Variants in PKP4 observed in about 807,000 individuals in gnomAD.
The protein encoded by PKP4 is plakophilin-4.
In PKP4, 90 loss-of-function variants were observed where a neutral mutation model predicts 145.1. The observed-to-expected ratio is 0.62, with a 90% CI of 0.52 to 0.74. The LOEUF is 0.74. PKP4 is among the 30% of genes least tolerant of loss of function. PKP4 has a pLI of 0.00. For synonymous variants in PKP4, 563 were observed against 577.2 expected (o/e 0.98, Z 0.35); for missense variants, 1,340 against 1,482.7 (o/e 0.90, Z 1.58).
Position 158,663,024 on chromosome 2 carries a change from A to C in PKP4, c.2339A>C (p.Asp780Ala), listed in dbSNP as rs1553476462. The C allele has an allele frequency of 1.6e-5, 26 of 1,613,966 alleles. No homozygotes were observed. The highest frequency in any genetic ancestry group is 2.1e-5 in the Non-Finnish European group (25 of 1,179,978). ...CTAGGAAAAGAGTCTCCCAGCAAAG[A>C]CTCTGAGCCAAGTTGCTGGGGGAAG... ...DLLGKESPSK[D>A]SEPSCWGKKK... Residue 780 changes from aspartate (D) to alanine (A), a missense_variant, in exon 14 of 22, where the codon GAC becomes GCC. Physicochemically the swap from Asp to Ala is moderately radical, Grantham distance 126. Coordinates refer to ENST00000389759, the MANE Select transcript of PKP4 (RefSeq NM_003628.6).
At position 158,631,844 on chromosome 2, in the gene PKP4, T is replaced by C; in HGVS notation, c.1245T>C (p.Tyr415=). The change falls in exon 8 of 22, where the codon TAT becomes TAC. Residue 415 remains tyrosine (Y), a synonymous_variant. Coordinates refer to ENST00000389759, the MANE Select transcript of PKP4 (RefSeq NM_003628.6). ...CCGACTTGCACATTACTCCTATATA[T>C]GAGGGGAGGACCTATTACAGCCCAG... is the stretch of plus-strand genomic sequence containing the variant. ...VSPDLHITPI[Y]EGRTYYSPVY... 6.2e-7 allele frequency: 1 copy of C among 1,614,122 alleles called. No individual in the cohort carries two copies. Among genetic ancestry groups the C allele is most frequent in the Non-Finnish European group, 8.5e-7 (1 of 1,179,982 alleles).
At chr2:158,476,735 A>G (rs1398776759) in intron 1 of PKP4, among the ~76,000 whole-genome samples, 3 of 152,046 alleles carry the variant, frequency 2.0e-5, no homozygotes, top group South Asian at 2.1e-4. Context: ...CTGATTGTAA[A>G]TGAAATCCAT....
intron 1 of PKP4, among the ~76,000 whole-genome samples, chr2:158,511,146 G>A (rs1048231339): frequency 6.6e-6 from 1 of 152,182 alleles, no homozygotes; most frequent in African/African-American, 2.4e-5. Flanking sequence ...CAGCACTTTG[G>A]GAGACCAAGG....
At chr2:158,621,496 A>C (rs1276517480) in intron 6 of PKP4, 75 bp downstream of exon 6, 2 of 1,320,616 alleles carry the variant, frequency 1.5e-6, no homozygotes, top group Non-Finnish European at 2.1e-6. Context: ...CTGTAATCCC[A>C]GCATTTTGGG....
intron 2 of PKP4, among the ~76,000 whole-genome samples, chr2:158,536,423 GA>G (rs1394879858): frequency 2.6e-5 from 4 of 152,128 alleles, no homozygotes; most frequent in African/African-American, 9.7e-5. Context: ...ATTTTGAGAG[GA>G]AAAGTCTGGG....
At position 158,671,719 on chromosome 2, in the gene PKP4, G is replaced by A. The variant is rs74353981; in HGVS notation, c.2924+1804G>A. Among the ~76,000 whole-genome samples, 658 of 152,334 alleles carry A rather than the reference G, an allele frequency of 4.3e-3. 18 individuals carry two copies. The East Asian group carries it at 0.085, about 20-fold the overall frequency. On this transcript the variant is annotated intron_variant, in intron 17 of 21. Transcript: ENST00000389759. ...GACAGCCCCACCCGAGGTAGCTTAC[G>A]TTCCATGGGTGAGGTAGACGCAGAC...
chr2:158,658,229 G>A lies in PKP4; in HGVS notation c.2008G>A (p.Gly670Arg). 1 of 1,598,836 alleles carries A rather than the reference G, an allele frequency of 6.3e-7. No homozygotes were observed. Among genetic ancestry groups the A allele is most frequent in the Non-Finnish European group, 8.6e-7 (1 of 1,166,706 alleles). ...AAACACTGTGATTGTTCCACATTCT[G>A]GATGGAATAACTCTTCTTTTGATGA... ...LTNTVIVPHS[G>R]WNNSSFDDDH... Residue 670 changes from glycine (G) to arginine (R), a missense_variant, in exon 12 of 22, where the codon GGA becomes AGA. Transcript: ENST00000389759.
chr2:158,492,556 C>T lies in PKP4; in HGVS notation c.-6+35338C>T, dbSNP rs74662508. 3.0e-3 allele frequency among the ~76,000 whole-genome samples: 450 copies of T among 152,274 alleles called. 4 individuals carry two copies. Among genetic ancestry groups the T allele is most frequent in the African/African-American group, 0.01 (422 of 41,548 alleles). ...TGGCTTCCGCCACCCTGCTTCCCCTCCTGCCACCCTGCCCGGGCTTTGCTC... is the reference window on the plus strand; with the variant it reads ...TGGCTTCCGCCACCCTGCTTCCCCTTCTGCCACCCTGCCCGGGCTTTGCTC... On this transcript the variant is annotated intron_variant, in intron 1 of 21. Coordinates refer to ENST00000389759, the MANE Select transcript of PKP4 (RefSeq NM_003628.6).
chr2:158,478,145 A>C lies in PKP4; in HGVS notation c.-6+20927A>C, dbSNP rs116995191. ...GCTTAATGTTAACCTCATGTTAGCT[A>C]TAAGATGTAAGGCTGTTGAATAGGA... On this transcript the variant is annotated intron_variant, in intron 1 of 21. Coordinates refer to ENST00000389759, the MANE Select transcript of PKP4 (RefSeq NM_003628.6). Among the ~76,000 whole-genome samples the C allele has an allele frequency of 9.4e-4, 143 of 152,260 alleles. 3 individuals are homozygous for C. The East Asian group carries it at 0.026, about 28-fold the overall frequency.
At chr2:158,480,743 C>A (rs1693227353) in intron 1 of PKP4, among the ~76,000 whole-genome samples, 1 of 152,100 alleles carries the variant, frequency 6.6e-6, no homozygotes, top group African/African-American at 2.4e-5. Context: ...AAATTCACTC[C>A]TATAAAGGAT....
intron 1 of PKP4, among the ~76,000 whole-genome samples, chr2:158,489,611 C>G (rs144653095): frequency 1.3e-5 from 2 of 152,194 alleles, no homozygotes; most frequent in Non-Finnish European, 2.9e-5. Flanking sequence ...TTTGCTGAGG[C>G]TCTTCCCACG....
intron 1 of PKP4, among the ~76,000 whole-genome samples, chr2:158,467,427 C>T (rs1227102357): frequency 2.0e-5 from 3 of 151,734 alleles, no homozygotes; most frequent in Non-Finnish European, 4.4e-5. Context: ...TGGCCTACAC[C>T]TGTAGTTACA....
At chr2:158,653,522 G>A (rs895660129) in intron 11 of PKP4, among the ~76,000 whole-genome samples, 2 of 152,140 alleles carry the variant, frequency 1.3e-5, no homozygotes, top group East Asian at 1.9e-4. Flanking sequence ...ATAATTATAT[G>A]TACTTGTTCC....
At chr2:158,648,671 C>T (rs2055053948) in intron 11 of PKP4, among the ~76,000 whole-genome samples, 1 of 152,140 alleles carries the variant, frequency 6.6e-6, no homozygotes, top group African/African-American at 2.4e-5. Flanking sequence ...AATTCCCAGC[C>T]CAAATCAGTA....
At chr2:158,510,721 G>C (rs2041426300) in intron 1 of PKP4, among the ~76,000 whole-genome samples, 4 of 152,286 alleles carry the variant, frequency 2.6e-5, no homozygotes, top group Admixed American at 2.6e-4. Context: ...GGTGGGGTGG[G>C]GTGAGTCCAC....
chr2:158,529,108 C>T (rs2043275191), intron 1 of PKP4, among the ~76,000 whole-genome samples: 1 of 152,180 alleles, frequency 6.6e-6, no homozygotes, highest in African/African-American at 2.4e-5. Flanking sequence ...GAGTGTGCTA[C>T]CTTCAGAGGC....
intron 3 of PKP4, among the ~76,000 whole-genome samples, chr2:158,592,179 T>A (rs1263186382): frequency 2.0e-5 from 3 of 152,040 alleles, no homozygotes; most frequent in African/African-American, 7.2e-5. Context: ...GTTAGGAACA[T>A]GTGGGTGATA....
chr2:158,663,469 C>T (rs78711128), intron 15 of PKP4, 24 bp downstream of exon 15: 44,197 of 1,586,538 alleles, frequency 0.028, 724 homozygotes, highest in Non-Finnish European at 0.033. Context: ...CACTTATCTA[C>T]ACTTCTTTCC....
intron 11 of PKP4, among the ~76,000 whole-genome samples, chr2:158,646,040 A>G (rs909596839): frequency 2.0e-5 from 3 of 152,192 alleles, no homozygotes; most frequent in Non-Finnish European, 4.4e-5. Flanking sequence ...CTTGGCCTTG[A>G]AAAGAGGATA....
Sources: gnomAD v4.1 joint callset for allele counts (sites outside exome capture counted in the v4.1 genomes callset) on GRCh38, gnomAD v4.1.1 for gene constraint, MANE v1.5 for transcripts, NCBI Gene and HGNC (gene_info 2026-07-23, HGNC 2026-07-21) for gene names.